The following DAB1 variants were observed in gnomAD, a reference collection of about 807,000 sequenced individuals.
DAB1 encodes the protein DAB adaptor protein 1.
In DAB1, 15 loss-of-function variants were observed where a neutral mutation model predicts 64.6. The ratio of observed to expected loss-of-function variants is 0.23; its 90% CI spans 0.16 to 0.36. The LOEUF (loss-of-function observed/expected upper bound fraction) is 0.36. DAB1 is among the 10% of genes least tolerant of loss of function. The pLI, the probability that DAB1 is intolerant of heterozygous loss-of-function variation, is 1.00. For missense variants in DAB1, 596 were observed against 706.7 expected (o/e 0.84, Z 1.78); for synonymous variants, 235 against 251.9 (o/e 0.93, Z 0.64).
chr1:57,592,662 TA>T (rs1395499470), intron 7 of DAB1, among the ~76,000 whole-genome samples: 3 of 152,190 alleles, frequency 2.0e-5, no homozygotes, highest in Non-Finnish European at 1.5e-5. Context: ...AATAAAATAT[TA>T]CTTTTAATGG....
chr1:57,740,566 G>C (rs1380526113), intron 6 of DAB1, among the ~76,000 whole-genome samples: 1 of 152,212 alleles, frequency 6.6e-6, no homozygotes, highest in Non-Finnish European at 1.5e-5. Context: ...AGGAGCAAGG[G>C]TTTCCCTAAG....
chr1:58,513,317 G>A (rs1427221641), intron 2 of DAB1, among the ~76,000 whole-genome samples: 1 of 152,108 alleles, frequency 6.6e-6, no homozygotes, highest in Non-Finnish European at 1.5e-5. Context: ...CCCAGCCATG[G>A]AGAACTGTGA....
intron 2 of DAB1, among the ~76,000 whole-genome samples, chr1:57,269,248 C>G (rs544012040): frequency 2.6e-4 from 40 of 152,250 alleles, no homozygotes; most frequent in African/African-American, 9.6e-4. Flanking sequence ...AGAGTTCCAG[C>G]TCCCTGGGAT....
At chr1:58,302,109 G>A (rs1385984830) in intron 4 of DAB1, among the ~76,000 whole-genome samples, 1 of 151,932 alleles carries the variant, frequency 6.6e-6, no homozygotes, top group Non-Finnish European at 1.5e-5. Context: ...TGAAACTAAG[G>A]GACAGTTTTG....
At chr1:58,352,493 T>C (rs1644067808) in intron 3 of DAB1, among the ~76,000 whole-genome samples, 1 of 152,190 alleles carries the variant, frequency 6.6e-6, no homozygotes, top group African/African-American at 2.4e-5. Flanking sequence ...GACCACCATT[T>C]AGGGATGAGT....
intron 3 of DAB1, chr1:58,474,004 A>G: frequency 8.3e-7 from 1 of 1,201,342 alleles, no homozygotes; most frequent in South Asian, 1.3e-5. Context: ...TTATGCCTGG[A>G]CTTTGATTTC....
rs1265724933 is a variant in DAB1, at chr1:57,811,790, C to T, written n.551+72209G>A. Among the ~76,000 whole-genome samples, 3 of 152,134 alleles carry T rather than the reference C, an allele frequency of 2.0e-5. No individual in the cohort carries two copies. In the East Asian group the frequency reaches 5.8e-4, roughly 29 times the overall value. ...GCTCAAGGAATGTGTTGAAAAGAAA[C>T]AAAACTAGTGGATGGATGGAAAAAT... On this transcript the variant is annotated intron_variant and non_coding_transcript_variant, in intron 6 of 20. Transcript: ENST00000485760.
intron 4 of DAB1, among the ~76,000 whole-genome samples, chr1:58,248,030 C>G (rs556902561): frequency 6.6e-6 from 1 of 151,872 alleles, no homozygotes; most frequent in East Asian, 1.9e-4. Flanking sequence ...TTTGCTAGCA[C>G]AAGAATCTGA....
intron 1 of DAB1, among the ~76,000 whole-genome samples, chr1:57,294,728 G>T (rs1027012281): frequency 6.6e-6 from 1 of 152,074 alleles, no homozygotes; most frequent in East Asian, 1.9e-4. Context: ...GGAAACTGAG[G>T]CACAAGCCAG....
At chr1:57,153,543 G>C (rs941805229) in intron 2 of DAB1, among the ~76,000 whole-genome samples, 3 of 152,058 alleles carry the variant, frequency 2.0e-5, no homozygotes, top group African/African-American at 7.2e-5. Context: ...ATCATAATGA[G>C]ACATTTGGGT....
rs1024857256 is a variant in DAB1 at position 57,922,211 on chromosome 1, T to C, written n.388-38049A>G. Reference sequence around the variant, plus strand: ...GCAAACCACAATGAGTTCTTCAAAGTTGTGGGCTCAGTTTCAATTATGAGT... The same window carrying C: ...GCAAACCACAATGAGTTCTTCAAAGCTGTGGGCTCAGTTTCAATTATGAGT... On this transcript the variant is annotated intron_variant and non_coding_transcript_variant, in intron 5 of 20. Transcript: ENST00000485760. Among the ~76,000 whole-genome samples, 3 of 152,112 alleles carry C rather than the reference T, an allele frequency of 2.0e-5. 1 individual carries two copies. Among genetic ancestry groups the C allele is most frequent in the South Asian group, 4.1e-4 (2 of 4,824 alleles).
In DAB1 at chr1:58,035,114, CG is replaced by C. The variant is rs1463526263; in HGVS notation, n.387+115396del. On this transcript the variant is annotated intron_variant and non_coding_transcript_variant, in intron 5 of 20. Transcript: ENST00000485760. ...AAGAGAAAGCCCATGTGGAGAGAAA[CG>C]GGCTGCTGGAGGTGAGATACTACAG... 3.9e-5 allele frequency among the ~76,000 whole-genome samples: 6 copies of C among 152,284 alleles called. No individual in the cohort carries two copies. In the South Asian group the frequency reaches 1.2e-3, roughly 32 times the overall value.
chr1:57,481,211 T>C (rs184543266), intron 7 of DAB1, among the ~76,000 whole-genome samples: 2 of 152,250 alleles, frequency 1.3e-5, no homozygotes, highest in East Asian at 3.9e-4. Flanking sequence ...CAAGCATCAG[T>C]CATTTTTAAA....
chr1:58,193,749 G>A lies in DAB1; in HGVS notation n.310-43161C>T, dbSNP rs545690881. Among the ~76,000 whole-genome samples, 27 of 152,134 alleles carry A rather than the reference G, an allele frequency of 1.8e-4. No homozygotes were observed. The South Asian group carries it at 4.2e-3, about 23-fold the overall frequency. ...CGCACGCCTGTAATGCCAGCTGCTC[G>A]GGAGGCTGAGGCAGGAGAATCACTT... On this transcript the variant is annotated intron_variant and non_coding_transcript_variant, in intron 4 of 20. Transcript: ENST00000485760.
intron 6 of DAB1, among the ~76,000 whole-genome samples, chr1:57,776,667 C>G (rs1022311222): frequency 1.3e-5 from 2 of 151,632 alleles, no homozygotes; most frequent in Admixed American, 6.6e-5. Flanking sequence ...TACAACTTAT[C>G]ACTGTCTAAC....
chr1:57,149,520 G>A (rs1432683243), intron 2 of DAB1, among the ~76,000 whole-genome samples: 1 of 152,062 alleles, frequency 6.6e-6, no homozygotes, highest in Non-Finnish European at 1.5e-5. Context: ...TTTTACTTTA[G>A]CCATCCTAGT....
chr1:58,134,348 A>G (rs1295351416), intron 5 of DAB1, among the ~76,000 whole-genome samples: 12 of 152,178 alleles, frequency 7.9e-5, no homozygotes. Flanking sequence ...AGTTTCTTTT[A>G]TAAGCCACCA....
intron 2 of DAB1, among the ~76,000 whole-genome samples, chr1:57,191,675 T>C (rs155296): frequency 0.21 from 31,246 of 152,054 alleles, 5,303 homozygotes; most frequent in African/African-American, 0.45. Context: ...TGCCTCAGGG[T>C]AGAAAATTAA....
chr1:57,837,882 C>T (rs1365884429), intron 1 of DAB1, among the ~76,000 whole-genome samples: 1 of 150,420 alleles, frequency 6.6e-6, no homozygotes, highest in Non-Finnish European at 1.5e-5. Context: ...CAACTCCATC[C>T]CCCACCACCT....
Sources: allele counts gnomAD v4.1 joint callset (sites outside exome capture counted in the v4.1 genomes callset), GRCh38; gene constraint gnomAD v4.1.1; transcripts MANE v1.5; gene names NCBI Gene and HGNC (gene_info 2026-07-23, HGNC 2026-07-21).